The following FRMD5 variants were observed in gnomAD, a reference collection of about 807,000 sequenced individuals.
The protein encoded by FRMD5 is FERM domain containing 5, also known as FERM domain-containing protein 5.
In FRMD5, 20 loss-of-function variants were observed where a neutral mutation model predicts 69.0. The observed-to-expected ratio is 0.29, with a 90% CI of 0.20 to 0.42. The LOEUF (loss-of-function observed/expected upper bound fraction) is 0.42, where lower values mean the gene tolerates loss of function less well. Among genes scored for constraint, FRMD5 ranks in the 10% least tolerant of loss-of-function variants. The pLI is 1.00. For synonymous variants in FRMD5, 271 were observed against 260.1 expected (o/e 1.04, Z -0.40); for missense variants, 595 against 708.6 (o/e 0.84, Z 1.82).
chr15:43,991,705 A>G (rs1407008348), intron 1 of FRMD5, among the ~76,000 whole-genome samples: 1 of 152,164 alleles, frequency 6.6e-6, no homozygotes, highest in Non-Finnish European at 1.5e-5. Context: ...GTCTCTATTA[A>G]AAATCATCAG....
intron 1 of FRMD5, among the ~76,000 whole-genome samples, chr15:44,022,862 T>G (rs12439424): frequency 6.6e-6 from 1 of 152,164 alleles, no homozygotes; most frequent in African/African-American, 2.4e-5. Context: ...CATACCGTTT[T>G]TCATATAGTC....
At chr15:43,973,782 C>T (rs1462321667) in intron 1 of FRMD5, among the ~76,000 whole-genome samples, 1 of 151,444 alleles carries the variant, frequency 6.6e-6, no homozygotes, top group Non-Finnish European at 1.5e-5. Flanking sequence ...TTAATACAAC[C>T]CAAACCTCTA....
intron 1 of FRMD5, among the ~76,000 whole-genome samples, chr15:44,097,789 T>C (rs2076575103): frequency 6.6e-6 from 1 of 152,198 alleles, no homozygotes; most frequent in Non-Finnish European, 1.5e-5. Flanking sequence ...CAAAATGTTC[T>C]TCCCAAACAA....
chr15:44,106,086 T>G (rs1056001553), intron 1 of FRMD5, among the ~76,000 whole-genome samples: 1 of 152,212 alleles, frequency 6.6e-6, no homozygotes, highest in African/African-American at 2.4e-5. Context: ...CTAAACATTT[T>G]CCATCCACAG....
At chr15:43,922,972 C>G (rs766960427) in intron 2 of FRMD5, among the ~76,000 whole-genome samples, 1 of 152,138 alleles carries the variant, frequency 6.6e-6, no homozygotes, top group Non-Finnish European at 1.5e-5. Context: ...ACACAGCCAG[C>G]CTTCCTTTTT....
At chr15:44,073,436 A>T (rs1334733945) in intron 1 of FRMD5, among the ~76,000 whole-genome samples, 1 of 152,234 alleles carries the variant, frequency 6.6e-6, no homozygotes, top group Non-Finnish European at 1.5e-5. Flanking sequence ...TAATTTGAAG[A>T]CTGCCTGCTA....
rs962499713 is a variant in FRMD5, at chr15:44,097,000, A to C, written c.102+97953T>G. Among the ~76,000 whole-genome samples, 17 of 152,220 alleles carry C rather than the reference A, an allele frequency of 1.1e-4. No individual in the cohort carries two copies. The East Asian group carries it at 1.2e-3, about 10-fold the overall frequency. ...CTTTGGAAAGTACAAAAAGCATGAT[A>C]ATGAATCAACAAACACAAGTAGAGA... is the stretch of plus-strand genomic sequence containing the variant. On this transcript the variant is annotated intron_variant, in intron 1 of 13. Coordinates refer to ENST00000417257, the MANE Select transcript of FRMD5 (RefSeq NM_032892.5).
intron 1 of FRMD5, among the ~76,000 whole-genome samples, chr15:43,951,264 CA>C (rs199850303): frequency 6.6e-6 from 1 of 151,044 alleles, no homozygotes. Context: ...ACTGAAAATA[CA>C]AAAAAAATTA....
intron 1 of FRMD5, among the ~76,000 whole-genome samples, chr15:44,174,155 G>A (rs2140538875): frequency 6.6e-6 from 1 of 152,078 alleles, no homozygotes; most frequent in Admixed American, 6.5e-5. Context: ...ACCATGCATT[G>A]CTCACTCATC....
chr15:43,958,081 G>A (rs1450946414), intron 1 of FRMD5, among the ~76,000 whole-genome samples: 1 of 152,062 alleles, frequency 6.6e-6, no homozygotes, highest in Admixed American at 6.6e-5. Context: ...TGTCTTTCAG[G>A]TTTTTCTTGG....
chr15:43,921,592 G>A (rs1350077856), intron 2 of FRMD5, among the ~76,000 whole-genome samples: 2 of 152,188 alleles, frequency 1.3e-5, no homozygotes, highest in Non-Finnish European at 2.9e-5. Flanking sequence ...GATGGCCAGA[G>A]TGGCTTTTTG....
At chr15:44,198,939 C>T (rs1028656131), upstream of FRMD5, among the ~76,000 whole-genome samples, 10 of 152,114 alleles carry the variant, frequency 6.6e-5, no homozygotes, top group African/African-American at 2.4e-4. Flanking sequence ...AGAATATCAG[C>T]CGTCTTTTGA....
rs149995184 is a variant in FRMD5 at position 44,154,963 on chromosome 15, A to G, written c.102+39990T>C. Among the ~76,000 whole-genome samples, 594 of 152,342 alleles carry G rather than the reference A, an allele frequency of 3.9e-3. 5 individuals carry two copies. Among genetic ancestry groups the G allele is most frequent in the African/African-American group, 0.013 (556 of 41,580 alleles). ...CTCAAGAAAGTTATTTTTAAAAGAA[A>G]AAGAAAAATAGGTACTTCACTAAAA... On this transcript the variant is annotated intron_variant, in intron 1 of 13. Coordinates refer to ENST00000417257, the MANE Select transcript of FRMD5 (RefSeq NM_032892.5).
At chr15:43,987,934 C>T (rs1483355934) in intron 1 of FRMD5, among the ~76,000 whole-genome samples, 2 of 152,112 alleles carry the variant, frequency 1.3e-5, no homozygotes, top group Admixed American at 1.3e-4. Flanking sequence ...TGCTTGTTTT[C>T]CTGCAATTAT....
At chr15:43,947,403 T>A (rs2140502255) in intron 1 of FRMD5, among the ~76,000 whole-genome samples, 2 of 152,326 alleles carry the variant, frequency 1.3e-5, no homozygotes, top group Non-Finnish European at 2.9e-5. Context: ...TAACTTTGAG[T>A]TTGGCAAAAG....
At chr15:43,977,444 T>A (rs2090481778) in intron 1 of FRMD5, among the ~76,000 whole-genome samples, 1 of 152,064 alleles carries the variant, frequency 6.6e-6, no homozygotes. Flanking sequence ...CTGGGGGTGG[T>A]GCATGGGGGA....
intron 1 of FRMD5, among the ~76,000 whole-genome samples, chr15:44,142,237 T>C (rs914851657): frequency 3.3e-5 from 5 of 152,226 alleles, no homozygotes; most frequent in African/African-American, 7.2e-5. Flanking sequence ...TATTTTTCTA[T>C]CTGGCCATCA....
chr15:44,066,556 T>C (rs1169716431), intron 1 of FRMD5, among the ~76,000 whole-genome samples: 1 of 152,144 alleles, frequency 6.6e-6, no homozygotes, highest in Admixed American at 6.6e-5. Context: ...CAAGGGGGTG[T>C]TCACGGAAAA....
intron 1 of FRMD5, among the ~76,000 whole-genome samples, chr15:43,957,794 G>C (rs1309937820): frequency 6.6e-6 from 1 of 152,170 alleles, no homozygotes; most frequent in African/African-American, 2.4e-5. Flanking sequence ...TCAACTACCA[G>C]TCTGCTTTTA....
Sources: allele counts gnomAD v4.1 joint callset (sites outside exome capture counted in the v4.1 genomes callset), GRCh38; gene constraint gnomAD v4.1.1; transcripts MANE v1.5; gene names NCBI Gene and HGNC (gene_info 2026-07-23, HGNC 2026-07-21).